MARCHF2: variants seen among roughly 807,000 people sequenced by gnomAD.
MARCHF2 encodes the protein membrane associated ring-CH-type finger 2.
MARCHF2 carries 22 observed loss-of-function variants against 24.0 expected under a neutral mutation model. The ratio of observed to expected loss-of-function variants is 0.92; its 90% CI spans 0.66 to 1.31. The LOEUF (loss-of-function observed/expected upper bound fraction) is 1.31. Ranked by LOEUF, MARCHF2 falls within the 50% of genes most tolerant of loss-of-function variation. The probability of loss-of-function intolerance (pLI) is 0.00; values close to 1 mark genes in which losing one functional copy is unlikely to be tolerated. For synonymous variants in MARCHF2, 154 were observed against 153.0 expected (o/e 1.01, Z -0.05); for missense variants, 301 against 335.3 (o/e 0.90, Z 0.80).
rs758749767 is a variant in MARCHF2 at position 8,438,580 on chromosome 19, C to A, written c.*34C>A. ...CTCTCCGGACCCTGCAGCAGAGAGGCCAGAGGTAGCTGGTGATACCCTGTC... is the reference window on the plus strand; with the variant it reads ...CTCTCCGGACCCTGCAGCAGAGAGGACAGAGGTAGCTGGTGATACCCTGTC... On this transcript the variant is annotated 3_prime_UTR_variant, in exon 5 of 5. Coordinates refer to ENST00000215555, the MANE Select transcript of MARCHF2 (RefSeq NM_001005415.2). The A allele has an allele frequency of 1.2e-6, 2 of 1,607,034 alleles. No individual in the cohort carries two copies. Among genetic ancestry groups the A allele is most frequent in the Middle Eastern group, 1.7e-4 (1 of 6,008 alleles).
rs1253104173 is a variant in MARCHF2, at chr19:8,413,376, C to A, written c.-97C>A. 1.3e-5 allele frequency: 2 copies of A among 151,600 alleles called. No homozygotes were observed. Among genetic ancestry groups the A allele is most frequent in the Non-Finnish European group, 2.9e-5 (2 of 67,818 alleles). 9.4% of individuals were successfully genotyped at this position (151,600 alleles called of 1,614,324 possible). ...GGCCGGGCCGGGACCGGGGCCGAGGCGAACCGAGGGGCCTGTGCGGCCGCC... is the reference window on the plus strand; with the variant it reads ...GGCCGGGCCGGGACCGGGGCCGAGGAGAACCGAGGGGCCTGTGCGGCCGCC... On this transcript the variant is annotated 5_prime_UTR_variant, in exon 1 of 5. Coordinates refer to ENST00000215555, the MANE Select transcript of MARCHF2 (RefSeq NM_001005415.2).
At chr19:8,421,290 T>C (rs1218349700) in intron 1 of MARCHF2, among the ~76,000 whole-genome samples, 1 of 150,196 alleles carries the variant, frequency 6.7e-6, no homozygotes, top group Non-Finnish European at 1.5e-5. Context: ...GCCTGGCTAA[T>C]TTTTTGTATT....
intron 1 of MARCHF2, among the ~76,000 whole-genome samples, chr19:8,419,755 G>T (rs1280292796): frequency 2.0e-5 from 3 of 147,532 alleles, no homozygotes; most frequent in African/African-American, 7.7e-5. Flanking sequence ...GGCAGAGCTT[G>T]CAGTGAGCTG....
intron 4 of MARCHF2, among the ~76,000 whole-genome samples, chr19:8,437,484 T>G (rs1369924216): frequency 6.6e-6 from 1 of 151,092 alleles, no homozygotes; most frequent in Non-Finnish European, 1.5e-5. Flanking sequence ...CCCGAGTAGC[T>G]GGGATTACAG....
rs143150661 is a variant in MARCHF2, at chr19:8,429,696, G to T, written c.373-962G>T. On this transcript the variant is annotated intron_variant, in intron 3 of 4. Transcript: ENST00000215555. ...ATTTTGTATTTTTAGTAGAGGCAGG[G>T]TTTCTCCATGTTAGCCAGGCTGGTC... is the stretch of plus-strand genomic sequence containing the variant. 8.8e-3 allele frequency among the ~76,000 whole-genome samples: 1,324 copies of T among 150,520 alleles called. 21 individuals are homozygous for T. The highest frequency in any genetic ancestry group is 0.03 in the African/African-American group (1,240 of 41,056).
rs372324981 is a variant in MARCHF2 at position 8,421,947 on chromosome 19, A to G, written c.107A>G (p.Tyr36Cys). Reference protein sequence around the residue: ...VEATGLGPPQYVAQVTSRDGR... With the variant: ...VEATGLGPPQCVAQVTSRDGR... ...GCTACGGGCCTCGGACCGCCCCAGT[A>G]TGTGGCACAGGTGACTTCAAGGGAT... is the stretch of plus-strand genomic sequence containing the variant. The change falls in exon 2 of 5, where the codon TAT becomes TGT. Residue 36 changes from tyrosine to cysteine, a missense_variant. By Grantham distance (194) the Tyr-to-Cys change is radical (BLOSUM62 -2). Coordinates refer to ENST00000215555, the MANE Select transcript of MARCHF2 (RefSeq NM_001005415.2). The G allele has an allele frequency of 3.1e-6, 5 of 1,613,632 alleles. No individual in the cohort carries two copies. In the African/African-American group the frequency reaches 4.0e-5, roughly 13 times the overall value.
Position 8,437,232 on chromosome 19 carries a change from G to A in MARCHF2, c.583-1156G>A, listed in dbSNP as rs563386023. ...TGAGCTCAAGTGGTCCCCACGCCTCGACCTCCTAAAGTGCTGGGATTACAG... is the reference window on the plus strand; with the variant it reads ...TGAGCTCAAGTGGTCCCCACGCCTCAACCTCCTAAAGTGCTGGGATTACAG... On this transcript the variant is annotated intron_variant, in intron 4 of 4. Coordinates refer to ENST00000215555, the MANE Select transcript of MARCHF2 (RefSeq NM_001005415.2). Among the ~76,000 whole-genome samples the A allele has an allele frequency of 3.3e-5, 5 of 151,910 alleles. No homozygotes were observed. The East Asian group carries it at 9.7e-4, about 29-fold the overall frequency.
At position 8,428,649 on chromosome 19, in the gene MARCHF2, C is replaced by CAAA. The variant is rs59542078; in HGVS notation, c.372+1877_372+1879dup. Among the ~76,000 whole-genome samples, 76 of 30,650 alleles carry CAAA rather than the reference C, an allele frequency of 2.5e-3. 6 individuals carry two copies. The highest frequency in any genetic ancestry group is 3.0e-3 in the African/African-American group (23 of 7,610). 20.1% of individuals were successfully genotyped at this position (30,650 alleles called of 152,430 possible). A position where few individuals can be genotyped will look rare whatever the true frequency, so the allele number is the denominator to read the frequency against. The stretch of plus-strand genomic sequence containing the variant: ...TGGGCAACAGATTGAGACTCTATCT[C>CAAA]AAAAAAAAAAAAAAAAAAAAAAAAA... On this transcript the variant is annotated intron_variant, in intron 3 of 4. Coordinates refer to ENST00000215555, the MANE Select transcript of MARCHF2 (RefSeq NM_001005415.2).
At position 8,417,748 on chromosome 19, in the gene MARCHF2, CTTTTTTTTTTTTTTTTTTT is replaced by C. The variant is rs71175853; in HGVS notation, c.-52-4028_-52-4010del. On this transcript the variant is annotated intron_variant, in intron 1 of 4. Transcript: ENST00000215555. ...CCACTACGCCCGGCCAATACCCTGT[CTTTTTTTTTTTTTTTTTTT>C]TTTTTTTTTTTTGAGAAAGAATTTC... Among the ~76,000 whole-genome samples, 8 of 26,828 alleles carry C rather than the reference CTTTTTTTTTTTTTTTTTTT, an allele frequency of 3.0e-4. No homozygotes were observed. In the Admixed American group the frequency reaches 5.1e-3, roughly 17 times the overall value. The allele number at this position is 26,828 out of a possible 152,430, so 17.6% of individuals were successfully genotyped here. A position where few individuals can be genotyped will look rare whatever the true frequency, so the allele number is the denominator to read the frequency against.
rs1967264880 is a variant in MARCHF2, at chr19:8,422,131, A to G, written c.176+115A>G. The G allele has an allele frequency of 4.5e-6, 5 of 1,103,838 alleles. No individual in the cohort carries two copies. In the Middle Eastern group the frequency reaches 8.8e-4, roughly 193 times the overall value. 68.4% of individuals were successfully genotyped at this position (1,103,838 alleles called of 1,614,324 possible). On this transcript the variant is annotated intron_variant, in intron 2 of 4. Transcript: ENST00000215555. ...ACCGTTGACAGAGGGCCAAGTGGGT[A>G]AATAGAGAAAGAGACACAAACAGTT... is the stretch of plus-strand genomic sequence containing the variant.
chr19:8,421,730 A>T, intron 1 of MARCHF2, 59 bp from the exon 2 acceptor site: 1 of 955,858 alleles, frequency 1.0e-6, no homozygotes, highest in African/African-American at 1.7e-5. Context: ...GGGGACTCAA[A>T]CCTTAGTCCG....
intron 1 of MARCHF2, among the ~76,000 whole-genome samples, chr19:8,421,269 C>T (rs1478372766): frequency 2.0e-5 from 3 of 150,382 alleles, no homozygotes; most frequent in Non-Finnish European, 3.0e-5. Context: ...ACTACAGGCG[C>T]GTGCCACCAA....
intron 1 of MARCHF2, among the ~76,000 whole-genome samples, chr19:8,415,745 A>AAAAAAAAC (rs1967068848): frequency 6.3e-4 from 34 of 53,990 alleles, no homozygotes; most frequent in Non-Finnish European, 9.8e-4. Context: ...CAAAAAAAAC[A>AAAAAAAAC]AAAAAAAAAA....
At chr19:8,422,839 G>T (rs987994445) in intron 2 of MARCHF2, among the ~76,000 whole-genome samples, 5 of 144,544 alleles carry the variant, frequency 3.5e-5, no homozygotes, top group African/African-American at 1.3e-4. Flanking sequence ...TGAGTACCTG[G>T]TTCTACAGGC....
At chr19:8,436,877 A>G (rs554067552) in intron 4 of MARCHF2, among the ~76,000 whole-genome samples, 1 of 151,466 alleles carries the variant, frequency 6.6e-6, no homozygotes, top group African/African-American at 2.4e-5. Flanking sequence ...TTTAATAGAG[A>G]TGGGATTTCT....
At position 8,430,483 on chromosome 19, in the gene MARCHF2, C is replaced by T. The variant is rs1317900507; in HGVS notation, c.373-175C>T. On this transcript the variant is annotated intron_variant, in intron 3 of 4. Transcript: ENST00000215555. This position sits in a 1 kb window ranked among gnomAD's most constrained non-coding sequence, Gnocchi z 4.4. ...CCAGAAGGTCGAGGTTGCAGTGAGC[C>T]GAGATCACACCATTGCACTCCATCC... 3.3e-5 allele frequency among the ~76,000 whole-genome samples: 5 copies of T among 150,952 alleles called. No homozygotes were observed. The highest frequency in any genetic ancestry group is 2.1e-4 in the South Asian group (1 of 4,792).
In MARCHF2 at chr19:8,431,623, G is replaced by A. The variant is rs187360131; in HGVS notation, c.582+756G>A. Reference sequence around the variant, plus strand: ...AGGCCAAGGCAGGTGGATCATCTGAGCCCAGGAGTTCAAGACCAGCCTGGC... The same window carrying A: ...AGGCCAAGGCAGGTGGATCATCTGAACCCAGGAGTTCAAGACCAGCCTGGC... On this transcript the variant is annotated intron_variant, in intron 4 of 4. Coordinates refer to ENST00000215555, the MANE Select transcript of MARCHF2 (RefSeq NM_001005415.2). 1.8e-4 allele frequency among the ~76,000 whole-genome samples: 27 copies of A among 152,014 alleles called. No homozygotes were observed. The East Asian group carries it at 4.6e-3, about 26-fold the overall frequency.
intron 4 of MARCHF2, among the ~76,000 whole-genome samples, chr19:8,435,827 C>CGTGTGTGTGTGT (rs1568242256): frequency 1.1e-5 from 1 of 93,282 alleles, no homozygotes; most frequent in Non-Finnish European, 2.2e-5. Flanking sequence ...CTGCACCTGG[C>CGTGTGTGTGTGT]CTGTGTGTGT....
chr19:8,438,369 C>A lies in MARCHF2; in HGVS notation c.583-19C>A, dbSNP rs561565099. 1 of 1,612,560 alleles carries A rather than the reference C, an allele frequency of 6.2e-7. No individual in the cohort carries two copies. The highest frequency in any genetic ancestry group is 1.3e-5 in the African/African-American group (1 of 74,886). On this transcript the variant is annotated intron_variant, in intron 4 of 4. Coordinates refer to ENST00000215555, the MANE Select transcript of MARCHF2 (RefSeq NM_001005415.2). ...CCTTGCGGGTGGAGGCCTCCGCTCA[C>A]TGCAGGGCTGCCCCACAGGTCTCCT...
Sources: allele counts gnomAD v4.1 joint callset (sites outside exome capture counted in the v4.1 genomes callset), GRCh38; gene constraint gnomAD v4.1.1; non-coding constraint Gnocchi (gnomAD v3.1); transcripts MANE v1.5; gene names NCBI Gene and HGNC (gene_info 2026-07-23, HGNC 2026-07-21).